Variants in GOLGB1 observed in about 807,000 individuals in gnomAD.
GOLGB1 encodes the protein golgin subfamily B member 1.
In GOLGB1, 174 loss-of-function variants were observed where a neutral mutation model predicts 336.9. The ratio of observed to expected loss-of-function variants is 0.52; its 90% CI spans 0.46 to 0.59. The LOEUF is 0.59. GOLGB1 is among the 20% of genes least tolerant of loss of function. The pLI, the probability that GOLGB1 is intolerant of heterozygous loss-of-function variation, is 0.00. For missense variants in GOLGB1, 3,331 were observed against 3,645.3 expected (o/e 0.91, Z 2.22); for synonymous variants, 1,208 against 1,289.2 (o/e 0.94, Z 1.35).
Position 121,690,830 on chromosome 3 carries a change from C to A in GOLGB1, c.8534G>T (p.Ser2845Ile). ...QVQSFSKAMA[S>I]LQNERDHLWN... Reference sequence around the variant, plus strand: ...CAGGTGATCTCTCTCATTCTGCAGACTGGCCATAGCCTTGGAAAAGGACTG... The same window carrying A: ...CAGGTGATCTCTCTCATTCTGCAGAATGGCCATAGCCTTGGAAAAGGACTG... Residue 2845 changes from serine (S) to isoleucine (I), a missense_variant, in exon 14 of 22, where the codon AGT becomes ATT. Transcript: ENST00000614479. The A allele has an allele frequency of 6.2e-7, 1 of 1,610,162 alleles. No individual in the cohort carries two copies. Among genetic ancestry groups the A allele is most frequent in the Non-Finnish European group, 8.5e-7 (1 of 1,178,508 alleles).
rs552827799 is a variant in GOLGB1, at chr3:121,673,874, C to T, written c.9177+3019G>A. The stretch of plus-strand genomic sequence containing the variant: ...TAGCTGGGATTACAGGCGTGCACCA[C>T]CATGGCTGGCTAATTTTTGTATTTT... On this transcript the variant is annotated intron_variant, in intron 17 of 21. Transcript: ENST00000614479. Among the ~76,000 whole-genome samples, 17 of 152,234 alleles carry T rather than the reference C, an allele frequency of 1.1e-4. No homozygotes were observed. In the South Asian group the frequency reaches 3.3e-3, roughly 30 times the overall value.
chr3:121,664,690 C>A (rs1006064059), intron 21 of GOLGB1, 76 bp from the exon 22 acceptor site: 2 of 1,426,866 alleles, frequency 1.4e-6, no homozygotes, highest in African/African-American at 2.8e-5. Context: ...TAGTCTTGCA[C>A]TTAAGCAAAG....
chr3:121,748,420 G>A (rs1356137638), intron 1 of GOLGB1, among the ~76,000 whole-genome samples: 2 of 152,096 alleles, frequency 1.3e-5, no homozygotes, highest in African/African-American at 4.8e-5. Context: ...GGAAGCTGCT[G>A]AGGTAGTAAA....
At chr3:121,678,250 T>C (rs574332202) in intron 15 of GOLGB1, among the ~76,000 whole-genome samples, 5 of 152,380 alleles carry the variant, frequency 3.3e-5, no homozygotes, top group Non-Finnish European at 5.9e-5. Flanking sequence ...ATCTTTTAGA[T>C]GTAATTTTAC....
chr3:121,732,162 ATGTG>A (rs1185119479), intron 1 of GOLGB1, among the ~76,000 whole-genome samples: 1 of 152,166 alleles, frequency 6.6e-6, no homozygotes, highest in Non-Finnish European at 1.5e-5. Context: ...GTGTGGGTGC[ATGTG>A]TGTGTACAGA....
In GOLGB1 at chr3:121,691,065, C is replaced by A; in HGVS notation, c.8299G>T (p.Asp2767Tyr). Residue 2767 changes from aspartate to tyrosine, a missense_variant, in exon 14 of 22, where the codon GAT becomes TAT. Coordinates refer to ENST00000614479, the MANE Select transcript of GOLGB1 (RefSeq NM_001366282.2). The stretch of plus-strand genomic sequence containing the variant: ...TGTGCCAATTCCTTCAGACTGGCAT[C>A]ATATTTCCTTTTCAGTTCATCAAGT... ...EELDELKRKY[D>Y]ASLKELAQLK... The A allele has an allele frequency of 1.2e-6, 2 of 1,613,960 alleles. No homozygotes were observed. Among genetic ancestry groups the A allele is most frequent in the Non-Finnish European group, 1.7e-6 (2 of 1,179,902 alleles).
At chr3:121,740,788 A>C (rs1384823971) in intron 1 of GOLGB1, among the ~76,000 whole-genome samples, 3 of 152,212 alleles carry the variant, frequency 2.0e-5, no homozygotes, top group Admixed American at 6.5e-5. Context: ...CAAAGCAAAG[A>C]AACAGCACAA....
intron 1 of GOLGB1, among the ~76,000 whole-genome samples, chr3:121,734,754 T>C (rs1946365987): frequency 6.6e-6 from 1 of 152,220 alleles, no homozygotes; most frequent in Non-Finnish European, 1.5e-5. Context: ...CAGATTAGAA[T>C]ACAAAATGGC....
intron 20 of GOLGB1, among the ~76,000 whole-genome samples, chr3:121,666,307 G>A (rs542386661): frequency 2.0e-5 from 3 of 152,246 alleles, no homozygotes; most frequent in East Asian, 1.9e-4. Context: ...GAATTAATAC[G>A]GCTTGCCCAC....
chr3:121,714,976 T>C lies in GOLGB1; in HGVS notation c.1289A>G (p.Asp430Gly), dbSNP rs1179854602. ...TTCTTTGGATTTTTGCTGGAGCTGA[T>C]CTAAGGAAAAGAAAAAAAATAAATG... ...QSAQTIQQLE[D>G]QLQQKSKEIS... Residue 430 changes from aspartate (D) to glycine (G), a missense_variant and splice_region_variant, in exon 10 of 22, where the codon GAT becomes GGT. Physicochemically the swap from Asp to Gly is moderately conservative, Grantham distance 94. Transcript: ENST00000614479. 2.6e-6 allele frequency: 4 copies of C among 1,542,388 alleles called. No individual in the cohort carries two copies. Among genetic ancestry groups the C allele is most frequent in the Admixed American group, 1.7e-5 (1 of 59,396 alleles).
At chr3:121,730,999 A>T (rs757398736) in intron 1 of GOLGB1, 26 bp from the exon 2 acceptor site, 6 of 1,602,646 alleles carry the variant, frequency 3.7e-6, no homozygotes, top group Non-Finnish European at 4.3e-6. Flanking sequence ...GGGGGAAAAA[A>T]CCTAAGAATC....
At chr3:121,745,400 G>A (rs1182697322) in intron 1 of GOLGB1, among the ~76,000 whole-genome samples, 1 of 63,676 alleles carries the variant, frequency 1.6e-5, no homozygotes, top group African/African-American at 7.3e-5. Context: ...ATATGTACAC[G>A]TGTATGTATA....
chr3:121,694,521 C>A lies in GOLGB1; in HGVS notation c.6002G>T (p.Gly2001Val), dbSNP rs1347700872. Residue 2001 changes from glycine (G) to valine (V), a missense_variant, in exon 13 of 22, where the codon GGT (glycine) becomes GTT (valine). Gly to Val is a moderately radical substitution (Grantham distance 109). Coordinates refer to ENST00000614479, the MANE Select transcript of GOLGB1 (RefSeq NM_001366282.2). ...TTTATTTCCGGGTTCTTTCTGAGCA[C>A]CTTGTATTTTCTCCAAATATTCCTT... ...IRKEYLEKIQGAQKEPGNKSH... is the reference protein window; with the variant it reads ...IRKEYLEKIQVAQKEPGNKSH... 1.7e-5 allele frequency: 28 copies of A among 1,612,388 alleles called. No homozygotes were observed. The highest frequency in any genetic ancestry group is 2.3e-5 in the Non-Finnish European group (27 of 1,179,864).
intron 10 of GOLGB1, among the ~76,000 whole-genome samples, chr3:121,714,545 G>A (rs1421555780): frequency 3.3e-5 from 5 of 150,904 alleles, no homozygotes; most frequent in South Asian, 2.1e-4. Flanking sequence ...AAAGACTTCC[G>A]AACTGGGAAA....
intron 12 of GOLGB1, among the ~76,000 whole-genome samples, chr3:121,699,410 A>G (rs1943209710): frequency 6.6e-6 from 1 of 152,150 alleles, no homozygotes; most frequent in Non-Finnish European, 1.5e-5. Context: ...TACCCTTCTT[A>G]TAGTAATTTT....
chr3:121,724,944 T>C (rs982348335), intron 5 of GOLGB1, among the ~76,000 whole-genome samples: 3 of 151,776 alleles, frequency 2.0e-5, no homozygotes, highest in African/African-American at 4.8e-5. Context: ...AAGGTACGAG[T>C]TGTAAAACTT....
At position 121,697,598 on chromosome 3, in the gene GOLGB1, T is replaced by A. The variant is rs141877497; in HGVS notation, c.2925A>T (p.Gly975=). The part of the protein sequence containing the change: ...KQNYDEMSPA[G]QISKEELQHE... Reference sequence around the variant, plus strand: ...GCTGAAGTTCTTCCTTACTTATTTGTCCTGCTGGGCTCATCTCATCATAAT... The same window carrying A: ...GCTGAAGTTCTTCCTTACTTATTTGACCTGCTGGGCTCATCTCATCATAAT... The change falls in exon 13 of 22, where the codon GGA becomes GGT. Residue 975 remains glycine, a synonymous_variant. Transcript: ENST00000614479. The A allele has an allele frequency of 5.6e-4, 900 of 1,613,644 alleles. 1 individual carries two copies. Among genetic ancestry groups the A allele is most frequent in the Non-Finnish European group, 7.3e-4 (867 of 1,179,964 alleles).
chr3:121,698,529 T>G lies in GOLGB1; in HGVS notation c.1994A>C (p.Glu665Ala). 1 of 1,613,806 alleles carries G rather than the reference T, an allele frequency of 6.2e-7. No individual in the cohort carries two copies. Among genetic ancestry groups the G allele is most frequent in the South Asian group, 1.1e-5 (1 of 91,074 alleles). ...EEISLNDAGV[E>A]LKSTKQDGDK... ...ACCATCCTGCTTTGTTGATTTCAAT[T>G]CTACTCCAGCATCATTTAAAGATAT... Residue 665 changes from glutamate (E) to alanine (A), a missense_variant, in exon 13 of 22, where the codon GAA (glutamate) becomes GCA (alanine). Coordinates refer to ENST00000614479, the MANE Select transcript of GOLGB1 (RefSeq NM_001366282.2).
intron 11 of GOLGB1, among the ~76,000 whole-genome samples, chr3:121,700,414 A>G (rs897586627): frequency 6.6e-6 from 1 of 152,144 alleles, no homozygotes; most frequent in Non-Finnish European, 1.5e-5. Flanking sequence ...TTAGAATCCA[A>G]GTCTTCAGAG....
Sources: gnomAD v4.1 joint callset for allele counts (sites outside exome capture counted in the v4.1 genomes callset) on GRCh38, gnomAD v4.1.1 for gene constraint, MANE v1.5 for transcripts, NCBI Gene and HGNC (gene_info 2026-07-23, HGNC 2026-07-21) for gene names.